NF1: variants seen among roughly 807,000 people sequenced by gnomAD.
The protein encoded by NF1 is neurofibromin 1, also known as neurofibromin.
NF1 carries 122 observed loss-of-function variants against 325.7 expected under a neutral mutation model. The ratio of observed to expected loss-of-function variants is 0.37; its 90% CI spans 0.32 to 0.44. NF1 has a LOEUF of 0.44. NF1 is among the 20% of genes least tolerant of loss of function. NF1 has a pLI of 1.00. For synonymous variants in NF1, 1,091 were observed against 1,186.0 expected, an observed-to-expected ratio of 0.92 and a Z score of 1.65; for missense variants, 2,140 against 3,415.4, an observed-to-expected ratio of 0.63 and a Z score of 9.31.
At chr17:31,189,331 A>G (rs2143820969) in intron 8 of NF1, among the ~76,000 whole-genome samples, 2 of 98,388 alleles carry the variant, frequency 2.0e-5, no homozygotes, top group East Asian at 5.7e-4. Flanking sequence ...TTTGTCTCCT[A>G]GCTTTTTTGG....
At chr17:31,163,474 T>G in intron 4 of NF1, 98 bp downstream of exon 4, 1 of 1,353,094 alleles carries the variant, frequency 7.4e-7, no homozygotes, top group South Asian at 1.3e-5. Context: ...GGAAATGAGG[T>G]TTTTTTGTTT....
chr17:31,127,645 T>G (rs1181905501), intron 1 of NF1, among the ~76,000 whole-genome samples: 1 of 151,832 alleles, frequency 6.6e-6, no homozygotes, highest in East Asian at 1.9e-4. Context: ...TTGCCCAGGC[T>G]GGTCTTAAAC....
intron 40 of NF1, among the ~76,000 whole-genome samples, chr17:31,335,990 C>G (rs1198576239): frequency 6.6e-6 from 1 of 151,980 alleles, no homozygotes; most frequent in East Asian, 1.9e-4. Flanking sequence ...CTGCACCCAG[C>G]TCTGTATTTT....
chr17:31,350,872 G>T (rs1331593136), intron 50 of NF1, among the ~76,000 whole-genome samples: 1 of 152,074 alleles, frequency 6.6e-6, no homozygotes, highest in Non-Finnish European at 1.5e-5. Context: ...GGATTTTTCT[G>T]TATTTTCAAT....
At chr17:31,262,676 T>C (rs1390787715) in intron 35 of NF1, among the ~76,000 whole-genome samples, 1 of 152,190 alleles carries the variant, frequency 6.6e-6, no homozygotes, top group Non-Finnish European at 1.5e-5. Flanking sequence ...CTCCAAACCA[T>C]TGATACTGTT....
At position 31,208,612 on chromosome 17, in the gene NF1, C is replaced by T. The variant is rs151167535; in HGVS notation, c.1392+2241C>T. The stretch of plus-strand genomic sequence containing the variant: ...AAATGTCTAATGAAGAACTCAACAC[C>T]GGACACGGTGGCTAACGTCTGTAAT... On this transcript the variant is annotated intron_variant, in intron 12 of 57. Transcript: ENST00000358273. 8.8e-3 allele frequency among the ~76,000 whole-genome samples: 1,346 copies of T among 152,098 alleles called. 20 individuals carry two copies. The highest frequency in any genetic ancestry group is 0.035 in the Admixed American group (531 of 15,282).
chr17:31,322,091 G>GCA (rs2069210155), intron 36 of NF1, among the ~76,000 whole-genome samples: 3 of 62,598 alleles, frequency 4.8e-5, no homozygotes, highest in Non-Finnish European at 9.0e-5. Flanking sequence ...TGTAGTGTGT[G>GCA]TATACACACA....
chr17:31,230,495 C>T lies in NF1; in HGVS notation c.3113+113C>T, dbSNP rs1243298999. 3.0e-6 allele frequency: 4 copies of T among 1,313,878 alleles called. No individual in the cohort carries two copies. The African/African-American group carries it at 4.4e-5, about 14-fold the overall frequency. The allele number at this position is 1,313,878 out of a possible 1,614,324, so 81.4% of individuals were successfully genotyped here. A position where few individuals can be genotyped will look rare whatever the true frequency, so the allele number is the denominator to read the frequency against. On this transcript the variant is annotated intron_variant, in intron 23 of 57. Coordinates refer to ENST00000358273, the MANE Select transcript of NF1 (RefSeq NM_001042492.3). ...TAGAAAGGAGGACATGAAAAGAGAG[C>T]AATTTACATGTTTGTTTTTCTCTAC...
chr17:31,100,780 G>C (rs1232910235), intron 1 of NF1, among the ~76,000 whole-genome samples: 1 of 152,080 alleles, frequency 6.6e-6, no homozygotes, highest in African/African-American at 2.4e-5. Context: ...TGCTAGCCAG[G>C]ATGGGTCTGA....
Position 31,337,689 on chromosome 17 carries a change from C to G in NF1, c.6642+107C>G, listed in dbSNP as rs2069712597. 4 of 1,407,140 alleles carry G rather than the reference C, an allele frequency of 2.8e-6. No individual in the cohort carries two copies. The African/African-American group carries it at 5.8e-5, about 20-fold the overall frequency. The allele number at this position is 1,407,140 out of a possible 1,614,324, so 87.2% of individuals were successfully genotyped here. A position where few individuals can be genotyped will look rare whatever the true frequency, so the allele number is the denominator to read the frequency against. ...TTATTGTGCTATTTTGTACTTAATG[C>G]TTAAATAAAAACACTTGCATGGACT... is the stretch of plus-strand genomic sequence containing the variant. On this transcript the variant is annotated intron_variant, in intron 43 of 57. Transcript: ENST00000358273.
intron 8 of NF1, among the ~76,000 whole-genome samples, chr17:31,191,380 A>G (rs2066339593): frequency 1.3e-5 from 2 of 152,208 alleles, no homozygotes; most frequent in South Asian, 4.1e-4. Flanking sequence ...AAAACAGCCC[A>G]AATGTCCCTC....
chr17:31,130,268 A>G (rs926452610), intron 1 of NF1, among the ~76,000 whole-genome samples: 1 of 151,690 alleles, frequency 6.6e-6, no homozygotes, highest in African/African-American at 2.4e-5. Context: ...AAGGTTAGGA[A>G]CCTGCTGCAC....
At chr17:31,267,590 G>A (rs373878263) in intron 36 of NF1, among the ~76,000 whole-genome samples, 2 of 152,106 alleles carry the variant, frequency 1.3e-5, no homozygotes, top group Admixed American at 6.5e-5. Flanking sequence ...TCTGTATGCC[G>A]TCAGTTTTGT....
chr17:31,104,004 C>A (rs766874846), intron 1 of NF1, among the ~76,000 whole-genome samples: 8 of 151,932 alleles, frequency 5.3e-5, no homozygotes, highest in African/African-American at 1.9e-4. Flanking sequence ...CTGGGTGAGA[C>A]CCTGTCTCAA....
intron 49 of NF1, among the ~76,000 whole-genome samples, chr17:31,349,672 G>C (rs2070091333): frequency 1.3e-5 from 2 of 152,248 alleles, no homozygotes; most frequent in Admixed American, 6.5e-5. Context: ...ACAAGCAACT[G>C]CCTCTTCAAT....
chr17:31,318,490 C>T (rs766555455), intron 36 of NF1: 11 of 1,613,886 alleles, frequency 6.8e-6, no homozygotes, highest in East Asian at 2.2e-5. Flanking sequence ...TCTAGGCTGA[C>T]GCTTGCCTAC....
At chr17:31,218,926 C>A in intron 13 of NF1, 79 bp from the exon 14 acceptor site, 2 of 1,391,202 alleles carry the variant, frequency 1.4e-6, no homozygotes, top group South Asian at 1.2e-5. Context: ...CTTTAGCAGT[C>A]ACTGTCTATT....
At chr17:31,167,785 T>C (rs1264915524) in intron 4 of NF1, among the ~76,000 whole-genome samples, 3 of 152,322 alleles carry the variant, frequency 2.0e-5, no homozygotes, top group Non-Finnish European at 4.4e-5. Context: ...TTTAAAAATA[T>C]CTACATATTT....
chr17:31,298,583 G>A (rs531658133), intron 36 of NF1, among the ~76,000 whole-genome samples: 14 of 151,920 alleles, frequency 9.2e-5, no homozygotes, highest in South Asian at 2.1e-4. Flanking sequence ...AATGTTCCTC[G>A]AAAAGTATCT....
Sources: gnomAD v4.1 joint callset for allele counts (sites outside exome capture counted in the v4.1 genomes callset) on GRCh38, gnomAD v4.1.1 for gene constraint, MANE v1.5 for transcripts, NCBI Gene and HGNC (gene_info 2026-07-23, HGNC 2026-07-21) for gene names.